ZBBX: variants seen among roughly 807,000 people sequenced by gnomAD.
ZBBX encodes the protein zinc finger B-box domain containing, also known as zinc finger B-box domain-containing protein 1.
In ZBBX, 101 loss-of-function variants were observed where a neutral mutation model predicts 108.5. That is an observed-to-expected ratio of 0.93 (90% CI 0.79 to 1.10). ZBBX has a LOEUF of 1.10. Ranked by LOEUF, ZBBX falls within the 50% of genes least tolerant of loss-of-function variation. The pLI, the probability that ZBBX is intolerant of heterozygous loss-of-function variation, is 0.00. For synonymous variants in ZBBX, 356 were observed against 323.4 expected, an observed-to-expected ratio of 1.10 and a Z score of -1.08; for missense variants, 1,009 against 941.4, an observed-to-expected ratio of 1.07 and a Z score of -0.94.
At chr3:167,368,021 A>G (rs1745597621) in intron 5 of ZBBX, among the ~76,000 whole-genome samples, 1 of 146,842 alleles carries the variant, frequency 6.8e-6, no homozygotes, top group South Asian at 2.1e-4. Context: ...TATTTTTCAG[A>G]TCTTCATTAT....
intron 18 of ZBBX, among the ~76,000 whole-genome samples, chr3:167,297,273 C>T (rs1435811217): frequency 6.6e-6 from 1 of 151,872 alleles, no homozygotes; most frequent in Non-Finnish European, 1.5e-5. Context: ...ACAAGGGTGC[C>T]TAGACCATTC....
chr3:167,207,519 TCA>T, the ZBBX span, among the ~76,000 whole-genome samples: 5 of 152,246 alleles, frequency 3.3e-5, no homozygotes, highest in South Asian at 8.3e-4. Flanking sequence ...TTTTAAAATA[TCA>T]CACTTTTTTA....
At chr3:167,277,584 A>C (rs1161256815) in intron 20 of ZBBX, among the ~76,000 whole-genome samples, 12 of 152,064 alleles carry the variant, frequency 7.9e-5, no homozygotes, top group Admixed American at 3.9e-4. Context: ...TACAGGAGCA[A>C]GCAGATTCAT....
At chr3:167,274,226 G>A (rs1463166424) in intron 20 of ZBBX, among the ~76,000 whole-genome samples, 1 of 152,164 alleles carries the variant, frequency 6.6e-6, no homozygotes, top group Non-Finnish European at 1.5e-5. Context: ...CCCTCTTTCA[G>A]GATGGCTAGA....
At chr3:167,270,441 G>A (rs1028054740) in intron 20 of ZBBX, among the ~76,000 whole-genome samples, 2 of 152,160 alleles carry the variant, frequency 1.3e-5, no homozygotes, top group African/African-American at 4.8e-5. Context: ...CAACCAAATT[G>A]AGGAATTAAA....
chr3:167,322,699 C>T (rs1470278325), intron 11 of ZBBX, among the ~76,000 whole-genome samples: 1 of 152,022 alleles, frequency 6.6e-6, no homozygotes, highest in Non-Finnish European at 1.5e-5. Flanking sequence ...TGGTAATTTA[C>T]TTCCAGATGT....
chr3:167,240,721 C>A lies in ZBBX; in HGVS notation c.*72G>T. 1.3e-6 allele frequency: 2 copies of A among 1,536,570 alleles called. No homozygotes were observed. The highest frequency in any genetic ancestry group is 1.8e-6 in the Non-Finnish European group (2 of 1,133,816). ...AATCTCCAGCACTTGGATAGGTAAT[C>A]ACTTGGTTACTTTTCTCAGTTGTTT... is the stretch of plus-strand genomic sequence containing the variant. On this transcript the variant is annotated 3_prime_UTR_variant, in exon 22 of 22. Coordinates refer to ENST00000675490, the MANE Select transcript of ZBBX (RefSeq NM_001199201.2).
At chr3:167,365,644 T>C (rs1745201212) in intron 6 of ZBBX, among the ~76,000 whole-genome samples, 1 of 151,786 alleles carries the variant, frequency 6.6e-6, no homozygotes, top group African/African-American at 2.4e-5. Flanking sequence ...AAATTCAGTT[T>C]GGGATGTGGG....
At chr3:167,335,153 C>T (rs1739347816) in intron 9 of ZBBX, among the ~76,000 whole-genome samples, 1 of 152,050 alleles carries the variant, frequency 6.6e-6, no homozygotes, top group African/African-American at 2.4e-5. Context: ...TTCACATTTC[C>T]TCATATCACA....
At chr3:167,398,204 T>G (rs986697153) in intron 1 of ZBBX, among the ~76,000 whole-genome samples, 5 of 152,132 alleles carry the variant, frequency 3.3e-5, no homozygotes, top group African/African-American at 1.2e-4. Flanking sequence ...ATTTTGTTTA[T>G]GTTTCAGAAA....
At chr3:167,258,984 CATAGAATGAACT>C (rs1464885042) in intron 20 of ZBBX, among the ~76,000 whole-genome samples, 1 of 152,118 alleles carries the variant, frequency 6.6e-6, no homozygotes, top group Non-Finnish European at 1.5e-5. Context: ...ATGCTGGCTT[CATAGAATGAACT>C]AGAGAGGGTT....
intron 1 of ZBBX, among the ~76,000 whole-genome samples, chr3:167,400,327 A>G (rs1748384243): frequency 1.3e-5 from 2 of 152,150 alleles, no homozygotes. Flanking sequence ...CACCAACAGT[A>G]TATAAGCATT....
intron 11 of ZBBX, among the ~76,000 whole-genome samples, chr3:167,327,680 G>T (rs1737634967): frequency 6.6e-6 from 1 of 151,968 alleles, no homozygotes; most frequent in Admixed American, 6.6e-5. Context: ...ACTTTAGGAG[G>T]GGAGGCAGGC....
At chr3:167,401,223 A>T (rs553180427) in intron 1 of ZBBX, 2 of 152,338 alleles carry the variant, frequency 1.3e-5, no homozygotes, top group South Asian at 2.1e-4. Flanking sequence ...GAATTTTAAT[A>T]AAAAACTTCT....
intron 20 of ZBBX, among the ~76,000 whole-genome samples, chr3:167,249,875 G>A (rs1284834067): frequency 1.3e-5 from 2 of 152,106 alleles, no homozygotes; most frequent in East Asian, 3.9e-4. Context: ...ATCCTAAATG[G>A]GATCCCAGTG....
At chr3:167,283,758 GC>G (rs1182203145) in intron 19 of ZBBX, among the ~76,000 whole-genome samples, 6 of 152,074 alleles carry the variant, frequency 3.9e-5, no homozygotes, top group African/African-American at 1.2e-4. Flanking sequence ...CGATTCTCCT[GC>G]CCCAGGCTCC....
chr3:167,308,318 G>C (rs1286244283), intron 16 of ZBBX, among the ~76,000 whole-genome samples: 1 of 152,090 alleles, frequency 6.6e-6, no homozygotes, highest in South Asian at 2.1e-4. Flanking sequence ...AACAGATGCT[G>C]GTGAGGTTGT....
At chr3:167,265,770 A>T (rs1183472185) in intron 20 of ZBBX, among the ~76,000 whole-genome samples, 1 of 152,202 alleles carries the variant, frequency 6.6e-6, no homozygotes. Context: ...TGACCGCTGG[A>T]ATGGATGATT....
At chr3:167,233,145 TG>T in the ZBBX span, among the ~76,000 whole-genome samples, 1 of 151,688 alleles carries the variant, frequency 6.6e-6, no homozygotes, top group South Asian at 2.1e-4. Context: ...GTCATAACCC[TG>T]GGCCTGCTGA....
Sources: gnomAD v4.1 joint callset for allele counts (sites outside exome capture counted in the v4.1 genomes callset) on GRCh38, gnomAD v4.1.1 for gene constraint, MANE v1.5 for transcripts, NCBI Gene and HGNC (gene_info 2026-07-23, HGNC 2026-07-21) for gene names.